Variants in STXBP4 observed in about 807,000 individuals in gnomAD.
STXBP4 encodes the protein syntaxin-binding protein 4.
A neutral mutation model predicts 76.1 loss-of-function variants in STXBP4; 55 were observed. The observed-to-expected ratio is 0.72, with a 90% CI of 0.58 to 0.91. The LOEUF (loss-of-function observed/expected upper bound fraction) is 0.91. Ranked by LOEUF, STXBP4 falls within the 40% of genes least tolerant of loss-of-function variation. The pLI is 0.00. For synonymous variants in STXBP4, 201 were observed against 220.2 expected (o/e 0.91, Z 0.77); for missense variants, 618 against 636.9 (o/e 0.97, Z 0.32).
At chr17:55,191,499 C>G in the STXBP4 span, among the ~76,000 whole-genome samples, 1 of 152,072 alleles carries the variant, frequency 6.6e-6, no homozygotes, top group East Asian at 1.9e-4. Context: ...AAATAGTGGT[C>G]CCTCAACAAC....
chr17:55,002,739 T>C (rs181693013), intron 7 of STXBP4, among the ~76,000 whole-genome samples: 5 of 152,358 alleles, frequency 3.3e-5, no homozygotes, highest in African/African-American at 9.6e-5. Context: ...GACTCAGTGT[T>C]CAGGTTCTTG....
At chr17:55,022,541 T>C (rs1475882468) in intron 8 of STXBP4, among the ~76,000 whole-genome samples, 1 of 152,194 alleles carries the variant, frequency 6.6e-6, no homozygotes, top group Admixed American at 6.5e-5. Flanking sequence ...GTATTTATAA[T>C]TCATTGTAGT....
At chr17:55,028,064 G>A (rs1036788672) in intron 8 of STXBP4, among the ~76,000 whole-genome samples, 2 of 152,088 alleles carry the variant, frequency 1.3e-5, no homozygotes, top group African/African-American at 2.4e-5. Flanking sequence ...AAAAACTGAA[G>A]TAAATATAGT....
intron 16 of STXBP4, among the ~76,000 whole-genome samples, chr17:55,088,161 C>A (rs1028484778): frequency 1.3e-5 from 2 of 152,184 alleles, no homozygotes; most frequent in Non-Finnish European, 2.9e-5. Context: ...CTTTAAGCAG[C>A]AGCTTTTTCT....
the STXBP4 span, among the ~76,000 whole-genome samples, chr17:55,209,367 C>T: frequency 3.3e-5 from 5 of 152,082 alleles, no homozygotes; most frequent in Non-Finnish European, 7.4e-5. Flanking sequence ...AGGTCAGAGG[C>T]AGCAGAGATG....
intron 1 of STXBP4, among the ~76,000 whole-genome samples, chr17:54,970,031 A>G (rs778041696): frequency 2.6e-5 from 4 of 152,212 alleles, no homozygotes; most frequent in Non-Finnish European, 4.4e-5. Context: ...GAACGATGAT[A>G]AGGAGCTACC....
chr17:55,197,472 T>A, the STXBP4 span, among the ~76,000 whole-genome samples: 100 of 152,200 alleles, frequency 6.6e-4, no homozygotes, highest in East Asian at 7.9e-3. Flanking sequence ...GGCCAGGCGC[T>A]GTGGCTCACG....
chr17:55,182,212 A>G, the STXBP4 span, among the ~76,000 whole-genome samples: 1 of 152,214 alleles, frequency 6.6e-6, no homozygotes, highest in Admixed American at 6.5e-5. Flanking sequence ...TATTAGTCAC[A>G]AACTTTAGCA....
chr17:55,064,697 G>C (rs2079029092), intron 12 of STXBP4, among the ~76,000 whole-genome samples: 1 of 151,992 alleles, frequency 6.6e-6, no homozygotes. Flanking sequence ...GTAGAGACAG[G>C]GTTTCACCAT....
the STXBP4 span, among the ~76,000 whole-genome samples, chr17:55,199,349 A>G: frequency 6.6e-6 from 1 of 152,244 alleles, no homozygotes; most frequent in African/African-American, 2.4e-5. Flanking sequence ...AAAAAATTAT[A>G]GGAAGTGATC....
intron 16 of STXBP4, among the ~76,000 whole-genome samples, chr17:55,114,373 T>G (rs1043356554): frequency 1.3e-5 from 2 of 152,052 alleles, no homozygotes; most frequent in Non-Finnish European, 2.9e-5. Context: ...GGATCTGTTC[T>G]AAAAGAAAAC....
rs147191720 is a variant in STXBP4, at chr17:55,121,081, G to A, written c.1490-20229G>A. Among the ~76,000 whole-genome samples, 64 of 152,096 alleles carry A rather than the reference G, an allele frequency of 4.2e-4. 1 individual carries two copies. In the East Asian group the frequency reaches 9.3e-3, roughly 22 times the overall value. On this transcript the variant is annotated intron_variant, in intron 16 of 17. Coordinates refer to ENST00000376352, the MANE Select transcript of STXBP4 (RefSeq NM_178509.6). ...ATGAAATGAATTAAATATTCAATTCGGAAAATAATTTTTCAGAACCTAGTA... is the reference window on the plus strand; with the variant it reads ...ATGAAATGAATTAAATATTCAATTCAGAAAATAATTTTTCAGAACCTAGTA...
chr17:54,999,481 G>A, intron 5 of STXBP4, 30 bp downstream of exon 5: 1 of 1,563,448 alleles, frequency 6.4e-7, no homozygotes, highest in African/African-American at 1.4e-5. Context: ...GATAGAATGA[G>A]TCATTTAGAA....
chr17:55,030,752 G>A (rs2078493198), intron 8 of STXBP4: 1 of 153,544 alleles, frequency 6.5e-6, no homozygotes, highest in African/African-American at 2.4e-5. Context: ...AAGATTTTAT[G>A]TTGAACCTAA....
chr17:55,153,164 A>G (rs543575328), intron 17 of STXBP4, among the ~76,000 whole-genome samples: 62 of 152,178 alleles, frequency 4.1e-4, no homozygotes, highest in Admixed American at 1.4e-3. Context: ...TCTTGCCTTT[A>G]ATTTATACTA....
the STXBP4 span, among the ~76,000 whole-genome samples, chr17:55,206,069 T>A: frequency 0.014 from 2,094 of 152,224 alleles, 44 homozygotes; most frequent in African/African-American, 0.048. Flanking sequence ...AAACTCTATA[T>A]TGATTAGTGA....
intron 11 of STXBP4, among the ~76,000 whole-genome samples, chr17:55,045,195 T>C (rs1186899850): frequency 1.3e-5 from 2 of 152,160 alleles, no homozygotes; most frequent in Non-Finnish European, 2.9e-5. Context: ...CTAAAGTATA[T>C]GAGCATTTCA....
chr17:55,083,209 G>A (rs947686246), intron 16 of STXBP4, among the ~76,000 whole-genome samples: 8 of 151,896 alleles, frequency 5.3e-5, no homozygotes, highest in Admixed American at 3.9e-4. Flanking sequence ...CTCCTGGACT[G>A]AAGCAATCCA....
intron 4 of STXBP4, among the ~76,000 whole-genome samples, chr17:54,994,466 A>T (rs1350853947): frequency 6.6e-6 from 1 of 152,210 alleles, no homozygotes; most frequent in African/African-American, 2.4e-5. Flanking sequence ...AAAGTCAGAA[A>T]ATTTAACAGC....
Sources: allele counts gnomAD v4.1 joint callset (sites outside exome capture counted in the v4.1 genomes callset), GRCh38; gene constraint gnomAD v4.1.1; transcripts MANE v1.5; gene names NCBI Gene and HGNC (gene_info 2026-07-23, HGNC 2026-07-21).